Variants in FBP2 observed in about 807,000 individuals in gnomAD.
FBP2 encodes fructose-1,6-bisphosphatase isozyme 2.
Under a neutral mutation model 31.6 loss-of-function variants are expected in FBP2, and 27 were observed. The ratio of observed to expected loss-of-function variants is 0.85; its 90% CI spans 0.63 to 1.18. FBP2 has a LOEUF of 1.18. Among genes scored for constraint, FBP2 ranks in the 50% most tolerant of loss-of-function variants. The pLI is 0.00. For missense variants in FBP2, 421 were observed against 436.1 expected, an observed-to-expected ratio of 0.97 and a Z score of 0.31; for synonymous variants, 168 against 179.8, an observed-to-expected ratio of 0.93 and a Z score of 0.53.
At chr9:94,559,278 G>T in intron 6 of FBP2, 146 bp from the exon 7 acceptor site, 1 of 669,818 alleles carries the variant, frequency 1.5e-6, no homozygotes, top group Admixed American at 3.0e-5. Flanking sequence ...GAGTGGGCCC[G>T]AGCTTTAGAG....
At chr9:94,578,656 C>G (rs189230690) in intron 3 of FBP2, among the ~76,000 whole-genome samples, 5 of 151,898 alleles carry the variant, frequency 3.3e-5, no homozygotes, top group Admixed American at 3.3e-4. Context: ...TCTGACAAAC[C>G]GTTCAGGACT....
Position 94,593,777 on chromosome 9 carries a change from C to T in FBP2, c.-51G>A. On this transcript the variant is annotated 5_prime_UTR_variant, in exon 1 of 7. Transcript: ENST00000375337. ...TTCTCCCGGCAGGAAACCTTGCTTA[C>T]TTCTGAGGGCTGCAGCTCCGCAGTG... The T allele has an allele frequency of 6.3e-7, 1 of 1,592,608 alleles. No individual in the cohort carries two copies. The highest frequency in any genetic ancestry group is 8.6e-7 in the Non-Finnish European group (1 of 1,165,258).
rs1827524763 is a variant in FBP2, at chr9:94,593,579, G to GC, written c.147dup (p.Arg50AlafsTer16). 1 of 1,613,698 alleles carries GC rather than the reference G, an allele frequency of 6.2e-7. No homozygotes were observed. Among genetic ancestry groups the GC allele is most frequent in the African/African-American group, 1.3e-5 (1 of 74,912 alleles). On this transcript the variant is annotated frameshift_variant, in exon 1 of 7. Coordinates refer to ENST00000375337, the MANE Select transcript of FBP2 (RefSeq NM_003837.4). LOFTEE classifies it high-confidence loss of function. ...CACAGGTGGGCCAGACCGGCCTTGCGCACAGCCGAGGAGATGGCTTTGATG... is the reference window on the plus strand; with the variant it reads ...CACAGGTGGGCCAGACCGGCCTTGCGCCACAGCCGAGGAGATGGCTTTGATG...
At chr9:94,562,750 G>A (rs916014520) in intron 6 of FBP2, among the ~76,000 whole-genome samples, 2 of 152,146 alleles carry the variant, frequency 1.3e-5, no homozygotes, top group Admixed American at 1.3e-4. Flanking sequence ...GTTCTCACTT[G>A]ATAATACAAG....
At chr9:94,585,779 TGCCGA>T (rs1827420682) in intron 2 of FBP2, among the ~76,000 whole-genome samples, 1 of 151,664 alleles carries the variant, frequency 6.6e-6, no homozygotes, top group African/African-American at 2.4e-5. Flanking sequence ...CACACCACCA[TGCCGA>T]GCTAAATTTT....
chr9:94,559,986 G>A (rs1271124687), intron 6 of FBP2, among the ~76,000 whole-genome samples: 1 of 152,142 alleles, frequency 6.6e-6, no homozygotes, highest in African/African-American at 2.4e-5. Flanking sequence ...TTAACCAGGT[G>A]TGGTAGCGCA....
intron 5 of FBP2, among the ~76,000 whole-genome samples, chr9:94,566,961 A>C (rs1827198738): frequency 1.3e-5 from 2 of 152,028 alleles, no homozygotes; most frequent in Admixed American, 6.6e-5. Flanking sequence ...GTTGGAGCTT[A>C]AACAAATGAC....
intron 4 of FBP2, 22 bp from the exon 5 acceptor site, chr9:94,567,429 C>G (rs1259694580): frequency 3.1e-6 from 5 of 1,607,310 alleles, no homozygotes; most frequent in Non-Finnish European, 4.2e-6. Context: ...AAGAGAGATG[C>G]CAGGAAGAAG....
At chr9:94,571,836 G>C (rs540236) in intron 3 of FBP2, among the ~76,000 whole-genome samples, 74,000 of 152,072 alleles carry the variant, frequency 0.49, 18,642 homozygotes, top group African/African-American at 0.61. Context: ...AAACGCATGT[G>C]TCTGTAGCCT....
In FBP2 at chr9:94,567,261, T is replaced by C; in HGVS notation, c.705+9A>G. ...TCTGTCTGCCACCCACCTGGCTTTC[T>C]TCACTCACCTCAGGGAATTTCTTTT... is the stretch of plus-strand genomic sequence containing the variant. On this transcript the variant is annotated intron_variant, in intron 5 of 6. Transcript: ENST00000375337. 1 of 1,614,054 alleles carries C rather than the reference T, an allele frequency of 6.2e-7. No individual in the cohort carries two copies. The highest frequency in any genetic ancestry group is 8.5e-7 in the Non-Finnish European group (1 of 1,179,998).
At position 94,558,755 on chromosome 9, in the gene FBP2, A is replaced by G. The variant is rs549990510; in HGVS notation, c.*183T>C. The G allele has an allele frequency of 1.5e-5, 9 of 600,578 alleles. No homozygotes were observed. Among genetic ancestry groups the G allele is most frequent in the Admixed American group, 9.2e-5 (3 of 32,760 alleles). 37.2% of individuals were successfully genotyped at this position (600,578 alleles called of 1,614,324 possible). On this transcript the variant is annotated 3_prime_UTR_variant, in exon 7 of 7. Transcript: ENST00000375337. ...TGGGTTTTTATTTCTAGTCCTTCAC[A>G]TTGACCATAGAATCGCCTGTGGCTT...
chr9:94,586,023 C>T (rs1032152948), intron 2 of FBP2, among the ~76,000 whole-genome samples: 2 of 152,122 alleles, frequency 1.3e-5, no homozygotes, highest in African/African-American at 4.8e-5. Context: ...CGTGAGCCAC[C>T]GCGCCCATCC....
chr9:94,578,374 A>G (rs1035934375), intron 3 of FBP2, among the ~76,000 whole-genome samples: 1 of 152,208 alleles, frequency 6.6e-6, no homozygotes, highest in African/African-American at 2.4e-5. Context: ...ATAATGACTA[A>G]CTTTGTATAA....
chr9:94,588,127 AG>A (rs1214442073), intron 1 of FBP2, among the ~76,000 whole-genome samples: 1 of 152,164 alleles, frequency 6.6e-6, no homozygotes, highest in Non-Finnish European at 1.5e-5. Flanking sequence ...CTGGGATTAC[AG>A]GCATGAGCCA....
intron 6 of FBP2, among the ~76,000 whole-genome samples, chr9:94,561,225 T>C (rs894191278): frequency 1.3e-5 from 2 of 152,314 alleles, no homozygotes; most frequent in Admixed American, 1.3e-4. Context: ...TAGTACCTAA[T>C]GCGCTTGTCT....
At chr9:94,561,351 TA>T (rs1277155449) in intron 6 of FBP2, among the ~76,000 whole-genome samples, 30 of 101,412 alleles carry the variant, frequency 3.0e-4, no homozygotes, top group African/African-American at 8.0e-4. Flanking sequence ...ATGTGACCTG[TA>T]TTTTTTTTTT....
rs767352226 is a variant in FBP2 at position 94,558,926 on chromosome 9, G to A, written c.*12C>T. On this transcript the variant is annotated 3_prime_UTR_variant, in exon 7 of 7. Coordinates refer to ENST00000375337, the MANE Select transcript of FBP2 (RefSeq NM_003837.4). ...CAAGACAAACAGAAGAGGGCATGTGGGGTCAAACTCGCTAGCTGCCTGCCT... is the reference window on the plus strand; with the variant it reads ...CAAGACAAACAGAAGAGGGCATGTGAGGTCAAACTCGCTAGCTGCCTGCCT... 3 of 1,613,478 alleles carry A rather than the reference G, an allele frequency of 1.9e-6. No individual in the cohort carries two copies. The highest frequency in any genetic ancestry group is 1.7e-6 in the Non-Finnish European group (2 of 1,179,564).
At chr9:94,570,064 G>C (rs1210611349) in intron 4 of FBP2, 1 of 152,208 alleles carries the variant, frequency 6.6e-6, no homozygotes, top group Non-Finnish European at 1.5e-5. Context: ...TAGAGATCCG[G>C]AAAGATGCTA....
chr9:94,593,758 C>G lies in FBP2; in HGVS notation c.-32G>C. 1.2e-6 allele frequency: 2 copies of G among 1,610,380 alleles called. No homozygotes were observed. Among genetic ancestry groups the G allele is most frequent in the Middle Eastern group, 1.7e-4 (1 of 6,042 alleles). On this transcript the variant is annotated 5_prime_UTR_variant, in exon 1 of 7. Transcript: ENST00000375337. Reference sequence around the variant, plus strand: ...TGGAATGCTTCAAATCCTTTTCTCCCGGCAGGAAACCTTGCTTACTTCTGA... The same window carrying G: ...TGGAATGCTTCAAATCCTTTTCTCCGGGCAGGAAACCTTGCTTACTTCTGA...
Sources: gnomAD v4.1 joint callset for allele counts (sites outside exome capture counted in the v4.1 genomes callset) on GRCh38, gnomAD v4.1.1 for gene constraint, MANE v1.5 for transcripts, NCBI Gene and HGNC (gene_info 2026-07-23, HGNC 2026-07-21) for gene names.